Variants in RHOBTB1 observed in about 807,000 individuals in gnomAD.
RHOBTB1 encodes Rho related BTB domain containing 1, also known as rho-related BTB domain-containing protein 1.
In RHOBTB1, 40 loss-of-function variants were observed where a neutral mutation model predicts 71.6. The observed-to-expected ratio is 0.56, with a 90% CI of 0.43 to 0.73. The LOEUF is 0.73. RHOBTB1 is among the 30% of genes least tolerant of loss of function. The pLI, the probability that RHOBTB1 is intolerant of heterozygous loss-of-function variation, is 0.00. For missense variants in RHOBTB1, 797 were observed against 894.0 expected, an observed-to-expected ratio of 0.89 and a Z score of 1.38; for synonymous variants, 319 against 334.9, an observed-to-expected ratio of 0.95 and a Z score of 0.52.
chr10:60,920,950 T>TG (rs2083526342), intron 2 of RHOBTB1, among the ~76,000 whole-genome samples: 1 of 109,652 alleles, frequency 9.1e-6, no homozygotes, highest in Admixed American at 1.0e-4. Context: ...ATTTGTTTTT[T>TG]TTTTGTTTTT....
chr10:60,969,246 G>A (rs936470845), intron 2 of RHOBTB1, among the ~76,000 whole-genome samples: 2 of 152,060 alleles, frequency 1.3e-5, no homozygotes, highest in African/African-American at 4.8e-5. Context: ...TACAGGGTGC[G>A]GCACATATGA....
At chr10:60,970,889 T>C (rs1248294848) in intron 2 of RHOBTB1, among the ~76,000 whole-genome samples, 1 of 152,020 alleles carries the variant, frequency 6.6e-6, no homozygotes, top group Non-Finnish European at 1.5e-5. Context: ...CTTGTAAAAA[T>C]ATTCATGGAG....
chr10:60,903,394 G>T (rs2082502248), intron 4 of RHOBTB1, among the ~76,000 whole-genome samples: 1 of 152,110 alleles, frequency 6.6e-6, no homozygotes, highest in South Asian at 2.1e-4. Flanking sequence ...CCCAGTGAGA[G>T]GACCCACTTG....
At chr10:60,979,287 C>A (rs1044617028) in intron 2 of RHOBTB1, among the ~76,000 whole-genome samples, 4 of 151,956 alleles carry the variant, frequency 2.6e-5, no homozygotes, top group Admixed American at 2.0e-4. Flanking sequence ...GTAAATTTAC[C>A]ATTTTGGTGA....
In RHOBTB1 at chr10:60,989,978, C is replaced by CTTT. The variant is rs769184320; in HGVS notation, c.-162-4036_-162-4034dup. On this transcript the variant is annotated intron_variant, in intron 1 of 11. Transcript: ENST00000357917. ...TCAGACCTCAGAACCTCAGAATGTCCTTTTTTTTTTTTTTTTTTTTTTGAG... is the reference window on the plus strand; with the variant it reads ...TCAGACCTCAGAACCTCAGAATGTCCTTTTTTTTTTTTTTTTTTTTTTTTTGAG... 1.3e-3 allele frequency among the ~76,000 whole-genome samples: 161 copies of CTTT among 122,276 alleles called. 4 individuals carry two copies. The highest frequency in any genetic ancestry group is 3.7e-3 in the African/African-American group (116 of 31,246). The allele number at this position is 122,276 out of a possible 152,430, so 80.2% of individuals were successfully genotyped here.
Position 60,888,828 on chromosome 10 carries a change from T to C in RHOBTB1, c.840A>G (p.Ala280=). ...AAGAGGTAGCGAGGTAAATTCGATG[T>C]GCAAAGATGTGTTCCTGGTCCTGAA... is the stretch of plus-strand genomic sequence containing the variant. ...FILQDQEHIF[A]HRIYLATSSS... is the part of the protein sequence containing the mutation. The change falls in exon 6 of 11, where the codon GCA becomes GCG. Residue 280 remains alanine (A), a synonymous_variant. Transcript: ENST00000337910. The C allele has an allele frequency of 6.2e-7, 1 of 1,614,204 alleles. No individual in the cohort carries two copies. The highest frequency in any genetic ancestry group is 8.5e-7 in the Non-Finnish European group (1 of 1,180,034).
intron 2 of RHOBTB1, among the ~76,000 whole-genome samples, chr10:60,977,277 G>A (rs1047762966): frequency 1.3e-5 from 2 of 151,968 alleles, no homozygotes; most frequent in Non-Finnish European, 2.9e-5. Flanking sequence ...TTTACTTATA[G>A]CTCAATATAA....
At chr10:60,879,069 T>C (rs184046619) in intron 7 of RHOBTB1, among the ~76,000 whole-genome samples, 55 of 152,332 alleles carry the variant, frequency 3.6e-4, no homozygotes, top group African/African-American at 1.1e-3. Flanking sequence ...AGAAGGGACT[T>C]ACTTTTGCCA....
chr10:60,865,249 C>T (rs1453020621), downstream of RHOBTB1, among the ~76,000 whole-genome samples: 1 of 152,166 alleles, frequency 6.6e-6, no homozygotes, highest in Non-Finnish European at 1.5e-5. Flanking sequence ...GTACTGGAAG[C>T]TTACTTTTTC....
At chr10:61,001,649 C>G (rs1479427807), upstream of RHOBTB1, among the ~76,000 whole-genome samples, 1 of 152,114 alleles carries the variant, frequency 6.6e-6, no homozygotes, top group Non-Finnish European at 1.5e-5. Flanking sequence ...CGCGGCCTGC[C>G]GGACAGTCCT....
At chr10:60,967,488 T>C (rs1485834012) in intron 2 of RHOBTB1, among the ~76,000 whole-genome samples, 3 of 151,942 alleles carry the variant, frequency 2.0e-5, no homozygotes, top group African/African-American at 4.8e-5. Context: ...AAGGAACACA[T>C]TGTTCCCTCA....
Position 60,885,169 on chromosome 10 carries a change from G to A in RHOBTB1, c.1575+943C>T, listed in dbSNP as rs6479741. On this transcript the variant is annotated intron_variant, in intron 7 of 10. Transcript: ENST00000337910. ...GTATATTTCAAAATAGCTAAAAGAC[G>A]ATTTTAAATGTTCTCATCACAAAGA... 7.6e-4 allele frequency among the ~76,000 whole-genome samples: 115 copies of A among 152,174 alleles called. 1 individual carries two copies. Among genetic ancestry groups the A allele is most frequent in the Admixed American group, 3.4e-3 (52 of 15,274 alleles).
At position 60,874,673 on chromosome 10, in the gene RHOBTB1, C is replaced by CA. The variant is rs572364414; in HGVS notation, c.1815+280dup. 4.6e-5 allele frequency among the ~76,000 whole-genome samples: 7 copies of CA among 152,264 alleles called. No individual in the cohort carries two copies. The South Asian group carries it at 1.4e-3, about 32-fold the overall frequency. ...CAAGAATTCAAAGAAGGAGGAGAGA[C>CA]AAAACCTCCCCCAAGTGATTTTCCT... On this transcript the variant is annotated intron_variant, in intron 9 of 10. Transcript: ENST00000337910.
At chr10:60,959,296 C>G (rs2085702350) in intron 2 of RHOBTB1, among the ~76,000 whole-genome samples, 1 of 152,118 alleles carries the variant, frequency 6.6e-6, no homozygotes, top group South Asian at 2.1e-4. Context: ...GAAAACGGAC[C>G]TACAGTATGG....
chr10:60,902,156 A>G (rs2082443279), intron 4 of RHOBTB1, among the ~76,000 whole-genome samples: 1 of 152,194 alleles, frequency 6.6e-6, no homozygotes, highest in African/African-American at 2.4e-5. Flanking sequence ...CGCGAAGGAC[A>G]GTGTGGGACA....
Position 60,872,174 on chromosome 10 carries a change from C to T in RHOBTB1, c.1921+11G>A. ...GAGAGCTGGATGAATGGGGGCCTCACACAGTCTCACCTGCAGATTTTGATT... is the reference window on the plus strand; with the variant it reads ...GAGAGCTGGATGAATGGGGGCCTCATACAGTCTCACCTGCAGATTTTGATT... On this transcript the variant is annotated intron_variant, in intron 10 of 10. Transcript: ENST00000337910. 1 of 1,591,228 alleles carries T rather than the reference C, an allele frequency of 6.3e-7. No homozygotes were observed. The highest frequency in any genetic ancestry group is 1.1e-5 in the South Asian group (1 of 90,612).
upstream of RHOBTB1, among the ~76,000 whole-genome samples, chr10:60,945,827 G>A (rs951990362): frequency 6.6e-6 from 1 of 152,210 alleles, no homozygotes; most frequent in African/African-American, 2.4e-5. Flanking sequence ...GAAAAGTCAA[G>A]TACAGGTGTC....
intron 2 of RHOBTB1, among the ~76,000 whole-genome samples, chr10:60,966,577 A>G (rs1317808911): frequency 6.6e-6 from 1 of 151,876 alleles, no homozygotes; most frequent in Non-Finnish European, 1.5e-5. Context: ...TCTTCTTTCT[A>G]GTTTCTGTGT....
chr10:60,983,193 G>A (rs2086558747), intron 2 of RHOBTB1, among the ~76,000 whole-genome samples: 1 of 152,072 alleles, frequency 6.6e-6, no homozygotes, highest in Admixed American at 6.6e-5. Flanking sequence ...TATACAAATG[G>A]TAATACAAGT....
Sources: allele counts gnomAD v4.1 joint callset (sites outside exome capture counted in the v4.1 genomes callset), GRCh38; gene constraint gnomAD v4.1.1; transcripts MANE v1.5; gene names NCBI Gene and HGNC (gene_info 2026-07-23, HGNC 2026-07-21).